Variants in CUL1 observed in about 807,000 individuals in gnomAD.
The protein encoded by CUL1 is cullin 1.
Under a neutral mutation model 118.0 loss-of-function variants are expected in CUL1, and 24 were observed. The observed-to-expected ratio is 0.20, with a 90% CI of 0.15 to 0.29. CUL1 has a LOEUF of 0.29. Ranked by LOEUF, CUL1 falls within the 10% of genes least tolerant of loss-of-function variation. The probability of loss-of-function intolerance (pLI) is 1.00; values close to 1 mark genes in which losing one functional copy is unlikely to be tolerated. For missense variants in CUL1, 361 were observed against 933.8 expected (o/e 0.39, Z 7.99); for synonymous variants, 332 against 340.4 (o/e 0.98, Z 0.27).
In CUL1 at chr7:148,707,025, G is replaced by GTA. The variant is rs959069323; in HGVS notation, c.-162+8002_-162+8003dup. Among the ~76,000 whole-genome samples the GTA allele has an allele frequency of 1.9e-3, 287 of 152,170 alleles. 1 individual carries two copies. Among genetic ancestry groups the GTA allele is most frequent in the African/African-American group, 6.7e-3 (279 of 41,492 alleles). On this transcript the variant is annotated intron_variant, in intron 1 of 21. Coordinates refer to ENST00000325222, the MANE Select transcript of CUL1 (RefSeq NM_003592.3). ...CAGGGAGATATATCTTATAGGGTAT[G>GTA]TATATATGTATACATACCTACATTC...
At position 148,759,547 on chromosome 7, in the gene CUL1, G is replaced by A; in HGVS notation, c.535-1G>A. 1 of 1,591,236 alleles carries A rather than the reference G, an allele frequency of 6.3e-7. No individual in the cohort carries two copies. Among genetic ancestry groups the A allele is most frequent in the Non-Finnish European group, 8.6e-7 (1 of 1,163,204 alleles). The stretch of plus-strand genomic sequence containing the variant: ...AATATTTTTCTACATCCTTTCTAAA[G>A]GTAACAAATGCTGTTTTAAAGCTGA... On this transcript the variant is annotated splice_acceptor_variant, in intron 5 of 21. Transcript: ENST00000325222. LOFTEE classifies it high-confidence loss of function.
chr7:148,713,607 A>G (rs544332748), intron 1 of CUL1, among the ~76,000 whole-genome samples: 9 of 152,314 alleles, frequency 5.9e-5, no homozygotes, highest in Admixed American at 4.6e-4. Flanking sequence ...TCTAATTCCT[A>G]AGATGTTTAT....
chr7:148,708,007 C>T (rs1350626599), intron 1 of CUL1, among the ~76,000 whole-genome samples: 2 of 152,156 alleles, frequency 1.3e-5, no homozygotes, highest in African/African-American at 4.8e-5. Context: ...ACCAGGTTAC[C>T]TTTCTTTTTT....
At chr7:148,790,569 T>G in intron 16 of CUL1, 128 bp downstream of exon 16, 1 of 783,808 alleles carries the variant, frequency 1.3e-6, no homozygotes, top group South Asian at 1.8e-5. Context: ...GTGGCAGGTT[T>G]AAAGCATGGA....
chr7:148,749,739 T>C (rs1464748017), intron 2 of CUL1, among the ~76,000 whole-genome samples: 1 of 152,206 alleles, frequency 6.6e-6, no homozygotes, highest in African/African-American at 2.4e-5. Context: ...AATGAAGAGT[T>C]GCATTTCTCT....
In CUL1 at chr7:148,784,136, A is replaced by G. The variant is rs1264466419; in HGVS notation, c.1298+59A>G. 4 of 1,331,318 alleles carry G rather than the reference A, an allele frequency of 3.0e-6. No individual in the cohort carries two copies. The African/African-American group carries it at 4.3e-5, about 14-fold the overall frequency. The allele number at this position is 1,331,318 out of a possible 1,614,324, so 82.5% of individuals were successfully genotyped here. A position where few individuals can be genotyped will look rare whatever the true frequency, so the allele number is the denominator to read the frequency against. On this transcript the variant is annotated intron_variant, in intron 11 of 21. Transcript: ENST00000325222. Reference sequence around the variant, plus strand: ...TGTTTAAAATCTCAGCTTTTATATGAGGAATTAAAACCTACATTACATTTT... The same window carrying G: ...TGTTTAAAATCTCAGCTTTTATATGGGGAATTAAAACCTACATTACATTTT...
chr7:148,778,621 G>GA (rs1800504919), intron 9 of CUL1, among the ~76,000 whole-genome samples: 1 of 152,158 alleles, frequency 6.6e-6, no homozygotes, highest in South Asian at 2.1e-4. Context: ...CCTTTTTAAG[G>GA]AAAAATTATC....
chr7:148,766,100 G>A (rs1315118277), intron 7 of CUL1, among the ~76,000 whole-genome samples: 1 of 152,218 alleles, frequency 6.6e-6, no homozygotes, highest in Non-Finnish European at 1.5e-5. Context: ...TATGGTTGTT[G>A]TTTACCGTAA....
rs1248944782 is a variant in CUL1, at chr7:148,715,129, GAA to G, written c.-161-14830_-161-14829del. On this transcript the variant is annotated intron_variant, in intron 1 of 21. Coordinates refer to ENST00000325222, the MANE Select transcript of CUL1 (RefSeq NM_003592.3). Reference sequence around the variant, plus strand: ...GTATACTGGCTTTAGAATTTAAAAGGAAAATTCATTTCTCATTCCTACCCATC... The same window carrying G: ...GTATACTGGCTTTAGAATTTAAAAGGAATTCATTTCTCATTCCTACCCATC... Among the ~76,000 whole-genome samples the G allele has an allele frequency of 3.9e-5, 6 of 152,300 alleles. No homozygotes were observed. The East Asian group carries it at 1.2e-3, about 29-fold the overall frequency.
chr7:148,736,501 C>A (rs1722472173), intron 2 of CUL1, among the ~76,000 whole-genome samples: 4 of 152,070 alleles, frequency 2.6e-5, no homozygotes. Context: ...TGGAGTCTTG[C>A]TATGTTGCCC....
At chr7:148,766,243 G>A (rs768512013) in intron 7 of CUL1, among the ~76,000 whole-genome samples, 15 of 151,840 alleles carry the variant, frequency 9.9e-5, no homozygotes, top group Non-Finnish European at 7.4e-5. Flanking sequence ...CCATCCTCCC[G>A]CCTCAGCCTC....
chr7:148,714,288 A>G (rs185196154), intron 1 of CUL1, among the ~76,000 whole-genome samples: 83 of 152,350 alleles, frequency 5.4e-4, no homozygotes, highest in African/African-American at 2.0e-3. Context: ...CACCTCACAT[A>G]CTTAACATTT....
At position 148,757,325 on chromosome 7, in the gene CUL1, G is replaced by A. The variant is rs145724445; in HGVS notation, c.483+175G>A. The stretch of plus-strand genomic sequence containing the variant: ...TTAAATATTTTTTAGCAAGAAAGTA[G>A]AAGAATGGGTAAATTGGAGTTCTAA... On this transcript the variant is annotated intron_variant, in intron 4 of 21. Coordinates refer to ENST00000325222, the MANE Select transcript of CUL1 (RefSeq NM_003592.3). Among the ~76,000 whole-genome samples, 265 of 152,184 alleles carry A rather than the reference G, an allele frequency of 1.7e-3. 6 individuals carry two copies. Among genetic ancestry groups the A allele is most frequent in the Admixed American group, 0.011 (169 of 15,310 alleles).
At chr7:148,779,272 C>T (rs1665628045) in intron 9 of CUL1, among the ~76,000 whole-genome samples, 1 of 152,180 alleles carries the variant, frequency 6.6e-6, no homozygotes, top group Non-Finnish European at 1.5e-5. Flanking sequence ...TGCCACTTCA[C>T]TAGGTACTTA....
At chr7:148,699,197 C>G (rs1270313915) in intron 1 of CUL1, among the ~76,000 whole-genome samples, 168 bp downstream of exon 1, 1 of 151,872 alleles carries the variant, frequency 6.6e-6, no homozygotes, top group Non-Finnish European at 1.5e-5. Flanking sequence ...GCGGCCGGGC[C>G]GGGGGACTCG....
chr7:148,752,088 G>T (rs1010132033), intron 2 of CUL1, among the ~76,000 whole-genome samples: 1 of 152,232 alleles, frequency 6.6e-6, no homozygotes, highest in Admixed American at 6.5e-5. Context: ...TCCAGTCTGG[G>T]CAACAAGAGT....
intron 9 of CUL1, among the ~76,000 whole-genome samples, chr7:148,768,757 T>C (rs1800099315): frequency 1.3e-5 from 2 of 152,188 alleles, no homozygotes; most frequent in African/African-American, 2.4e-5. Flanking sequence ...TTGACTTTAT[T>C]GTGCTTAATG....
intron 11 of CUL1, among the ~76,000 whole-genome samples, 170 bp from the exon 12 acceptor site, chr7:148,786,381 A>G (rs1800813444): frequency 6.6e-6 from 1 of 152,218 alleles, no homozygotes; most frequent in Non-Finnish European, 1.5e-5. Context: ...TTGAGGTTAC[A>G]GTATGAGATT....
intron 2 of CUL1, among the ~76,000 whole-genome samples, chr7:148,739,330 C>T (rs565513155): frequency 6.6e-6 from 1 of 152,168 alleles, no homozygotes; most frequent in African/African-American, 2.4e-5. Flanking sequence ...GATAAAAATA[C>T]TGTGAAGCTA....
Sources: gnomAD v4.1 joint callset for allele counts (sites outside exome capture counted in the v4.1 genomes callset) on GRCh38, gnomAD v4.1.1 for gene constraint, MANE v1.5 for transcripts, NCBI Gene and HGNC (gene_info 2026-07-23, HGNC 2026-07-21) for gene names.